MTR: variants seen among roughly 807,000 people sequenced by gnomAD.
MTR encodes 5-methyltetrahydrofolate-homocysteine methyltransferase, also known as methionine synthase.
In MTR, 84 loss-of-function variants were observed where a neutral mutation model predicts 154.8. That is an observed-to-expected ratio of 0.54 (90% CI 0.45 to 0.65). The LOEUF is 0.65. Among genes scored for constraint, MTR ranks in the 30% least tolerant of loss-of-function variants. The pLI is 0.00. For synonymous variants in MTR, 554 were observed against 553.9 expected (o/e 1.00, Z 0.00); for missense variants, 1,275 against 1,570.2 (o/e 0.81, Z 3.18).
chr1:236,890,166 G>A (rs1021502389), intron 28 of MTR, among the ~76,000 whole-genome samples: 1 of 152,148 alleles, frequency 6.6e-6, no homozygotes, highest in Non-Finnish European at 1.5e-5. Flanking sequence ...GTGCCTGGGT[G>A]TGCGTGTTCG....
chr1:236,867,826 A>C (rs1023135363), intron 22 of MTR, among the ~76,000 whole-genome samples: 4 of 152,226 alleles, frequency 2.6e-5, no homozygotes, highest in African/African-American at 9.6e-5. Flanking sequence ...TGGAGCCTGA[A>C]GATGGGAATG....
intron 6 of MTR, among the ~76,000 whole-genome samples, chr1:236,814,668 A>G (rs1000576443): frequency 3.5e-4 from 53 of 152,246 alleles, no homozygotes; most frequent in Admixed American, 1.6e-3. Context: ...TTTTCTATCA[A>G]TCTGTCTGCT....
At chr1:236,895,255 T>G in intron 30 of MTR, 103 bp from the exon 31 acceptor site, 1 of 1,281,250 alleles carries the variant, frequency 7.8e-7, no homozygotes, top group East Asian at 2.5e-5. Context: ...GTGGTCCAGA[T>G]GAGGGAGGGT....
chr1:236,814,836 A>C (rs1661496132), intron 6 of MTR, among the ~76,000 whole-genome samples: 1 of 152,152 alleles, frequency 6.6e-6, no homozygotes, highest in Non-Finnish European at 1.5e-5. Flanking sequence ...CAATTTGTCT[A>C]GTTCTAAAGA....
chr1:236,823,624 C>G (rs1036829504), intron 8 of MTR, among the ~76,000 whole-genome samples: 3 of 151,894 alleles, frequency 2.0e-5, no homozygotes, highest in Non-Finnish European at 2.9e-5. Context: ...GACCTCAGGC[C>G]CACCACCCAC....
At chr1:236,847,523 C>A (rs1663653106) in intron 15 of MTR, among the ~76,000 whole-genome samples, 1 of 152,202 alleles carries the variant, frequency 6.6e-6, no homozygotes, top group Admixed American at 6.5e-5. Flanking sequence ...TTCTCTATGG[C>A]TTAAGAGTAA....
At chr1:236,812,691 A>G in intron 5 of MTR, 47 bp from the exon 6 acceptor site, 1 of 1,483,212 alleles carries the variant, frequency 6.7e-7, no homozygotes, top group Non-Finnish European at 9.4e-7. Context: ...AGGGCCATTC[A>G]GAGGATATTG....
chr1:236,795,363 T>G lies in MTR; in HGVS notation c.-341T>G, dbSNP rs1019280888. On this transcript the variant is annotated 5_prime_UTR_variant, in exon 1 of 33. Coordinates refer to ENST00000366577, the MANE Select transcript of MTR (RefSeq NM_000254.3). ...AGCCGGATGTCACGTCGTCCTCCTCTGCCGGTTTTCTCTTGGGTCCTTTTC... is the reference window on the plus strand; with the variant it reads ...AGCCGGATGTCACGTCGTCCTCCTCGGCCGGTTTTCTCTTGGGTCCTTTTC... 2.2e-6 allele frequency: 3 copies of G among 1,363,300 alleles called. No homozygotes were observed. Among genetic ancestry groups the G allele is most frequent in the African/African-American group, 1.5e-5 (1 of 68,682 alleles). 84.5% of individuals were successfully genotyped at this position (1,363,300 alleles called of 1,614,324 possible).
chr1:236,802,993 A>G (rs562558404), intron 1 of MTR, among the ~76,000 whole-genome samples: 70 of 152,334 alleles, frequency 4.6e-4, no homozygotes, highest in African/African-American at 1.6e-3. Context: ...AGTTCTGGCA[A>G]TAGGTGAGGG....
chr1:236,843,520 C>T (rs1035037915), intron 15 of MTR, among the ~76,000 whole-genome samples: 3 of 152,080 alleles, frequency 2.0e-5, no homozygotes, highest in African/African-American at 4.8e-5. Context: ...AACAGAGGAG[C>T]GAATATGATC....
intron 22 of MTR, among the ~76,000 whole-genome samples, chr1:236,873,548 C>A (rs899851995): frequency 6.6e-6 from 1 of 152,148 alleles, no homozygotes. Flanking sequence ...GAATGATGGT[C>A]GGTAAAGCTG....
chr1:236,864,000 T>C (rs556584537), intron 22 of MTR, among the ~76,000 whole-genome samples: 1 of 152,270 alleles, frequency 6.6e-6, no homozygotes, highest in East Asian at 1.9e-4. Context: ...CAAGTCTCAG[T>C]TGGCTTTGCT....
chr1:236,819,766 A>G (rs963798148), intron 8 of MTR: 6 of 755,096 alleles, frequency 7.9e-6, no homozygotes, highest in Admixed American at 5.1e-5. Flanking sequence ...AGGAAAAATG[A>G]TGGGATCTAC....
chr1:236,806,878 A>G (rs1286996684), intron 3 of MTR, among the ~76,000 whole-genome samples: 1 of 152,146 alleles, frequency 6.6e-6, no homozygotes, highest in Non-Finnish European at 1.5e-5. Flanking sequence ...ACTTAATGTA[A>G]TGTCCTCAAG....
chr1:236,805,091 C>G (rs1384659745), intron 2 of MTR, among the ~76,000 whole-genome samples: 6 of 152,090 alleles, frequency 3.9e-5, no homozygotes, highest in Admixed American at 1.3e-4. Context: ...ATGTGCGTAT[C>G]TTGGTTTTTA....
chr1:236,796,581 A>G (rs1660401231), intron 1 of MTR, among the ~76,000 whole-genome samples: 1 of 152,020 alleles, frequency 6.6e-6, no homozygotes, highest in African/African-American at 2.4e-5. Context: ...GCACAAGGAA[A>G]TTTATCAGAG....
Position 236,850,359 on chromosome 1 carries a change from A to G in MTR, c.1531A>G (p.Thr511Ala). 5 of 1,613,308 alleles carry G rather than the reference A, an allele frequency of 3.1e-6. No homozygotes were observed. Among genetic ancestry groups the G allele is most frequent in the Non-Finnish European group, 3.4e-6 (4 of 1,179,530 alleles). ...TTTTCCCTAGGCAACAGAAACAGAC[A>G]CAAAAATCAGAGTGTGCACCCGGGC... The part of the protein sequence containing the change: ...DEEGQATETD[T>A]KIRVCTRAYH... The change falls in exon 16 of 33, where the codon ACA (threonine) becomes GCA (alanine). Residue 511 changes from threonine (T) to alanine (A), a missense_variant. Thr to Ala is a moderately conservative substitution (Grantham distance 58). Coordinates refer to ENST00000366577, the MANE Select transcript of MTR (RefSeq NM_000254.3).
intron 28 of MTR, 31 bp downstream of exon 28, chr1:236,889,367 C>G: frequency 6.2e-7 from 1 of 1,613,348 alleles, no homozygotes; most frequent in Non-Finnish European, 8.5e-7. Flanking sequence ...CTTTCTGCCT[C>G]TGATATTCAA....
intron 22 of MTR, among the ~76,000 whole-genome samples, chr1:236,869,794 A>G (rs1665024042): frequency 1.3e-5 from 2 of 152,156 alleles, no homozygotes; most frequent in South Asian, 2.1e-4. Context: ...CCGACTTCAC[A>G]TACCCTGGGA....
Sources: gnomAD v4.1 joint callset for allele counts (sites outside exome capture counted in the v4.1 genomes callset) on GRCh38, gnomAD v4.1.1 for gene constraint, MANE v1.5 for transcripts, NCBI Gene and HGNC (gene_info 2026-07-23, HGNC 2026-07-21) for gene names.